The following ROCK1 variants were observed in gnomAD, a reference collection of about 807,000 sequenced individuals.
ROCK1 encodes the protein Rho associated coiled-coil containing protein kinase 1.
In ROCK1, 36 loss-of-function variants were observed where a neutral mutation model predicts 196.8. The observed-to-expected ratio is 0.18, with a 90% CI of 0.14 to 0.24. The LOEUF (loss-of-function observed/expected upper bound fraction) is 0.24, where lower values mean the gene tolerates loss of function less well. ROCK1 is among the 10% of genes least tolerant of loss of function. The pLI, the probability that ROCK1 is intolerant of heterozygous loss-of-function variation, is 1.00. For synonymous variants in ROCK1, 443 were observed against 515.9 expected (o/e 0.86, Z 1.91); for missense variants, 920 against 1,562.0 (o/e 0.59, Z 6.93).
At position 20,951,193 on chromosome 18, in the gene ROCK1, C is replaced by T. The variant is rs900772116; in HGVS notation, c.*191G>A. On this transcript the variant is annotated 3_prime_UTR_variant, in exon 33 of 33. Transcript: ENST00000399799. The stretch of plus-strand genomic sequence containing the variant: ...CATAGTAATAATTAATCTAATCTAC[C>T]TGTAGGCAAACCCGCAATAAAAAAA... The T allele has an allele frequency of 6.5e-6, 3 of 458,514 alleles. No homozygotes were observed. Among genetic ancestry groups the T allele is most frequent in the African/African-American group, 4.0e-5 (2 of 50,296 alleles). 28.4% of individuals were successfully genotyped at this position (458,514 alleles called of 1,614,324 possible). A position where few individuals can be genotyped will look rare whatever the true frequency, so the allele number is the denominator to read the frequency against.
intron 16 of ROCK1, among the ~76,000 whole-genome samples, chr18:20,996,789 G>A (rs2035674715): frequency 6.6e-6 from 1 of 152,154 alleles, no homozygotes; most frequent in South Asian, 2.1e-4. Flanking sequence ...TAAGATGCAG[G>A]GGACTAAGTT....
intron 1 of ROCK1, among the ~76,000 whole-genome samples, chr18:21,088,442 G>C (rs1366631684): frequency 6.6e-6 from 1 of 152,216 alleles, no homozygotes; most frequent in Non-Finnish European, 1.5e-5. Flanking sequence ...CAAGGCTAGA[G>C]TGAGCTATGA....
chr18:21,083,750 C>T (rs1445389660), intron 1 of ROCK1, among the ~76,000 whole-genome samples: 1 of 152,182 alleles, frequency 6.6e-6, no homozygotes, highest in African/African-American at 2.4e-5. Flanking sequence ...TTACATATAA[C>T]ATACAAAATA....
chr18:21,054,226 C>T (rs1235271977), intron 2 of ROCK1, among the ~76,000 whole-genome samples: 11 of 152,166 alleles, frequency 7.2e-5, no homozygotes, highest in Admixed American at 7.2e-4. Flanking sequence ...AAACCATCTA[C>T]ATATCAACTT....
chr18:21,031,359 C>T (rs933904818), intron 9 of ROCK1, among the ~76,000 whole-genome samples: 5 of 152,042 alleles, frequency 3.3e-5, no homozygotes, highest in African/African-American at 7.2e-5. Context: ...AATCCCAGCA[C>T]TTTGGGAGGC....
intron 9 of ROCK1, among the ~76,000 whole-genome samples, chr18:21,038,993 G>A (rs1160538534): frequency 2.0e-5 from 3 of 152,216 alleles, no homozygotes; most frequent in Non-Finnish European, 4.4e-5. Flanking sequence ...GCAAAAGCCT[G>A]ATGGAATCAA....
chr18:21,007,870 A>C (rs1184446289), intron 14 of ROCK1, among the ~76,000 whole-genome samples, 189 bp downstream of exon 14: 6 of 152,124 alleles, frequency 3.9e-5, no homozygotes, highest in Non-Finnish European at 5.9e-5. Flanking sequence ...TATTTACTTT[A>C]ATATGTAATT....
intron 12 of ROCK1, among the ~76,000 whole-genome samples, chr18:21,019,319 A>G (rs1349263105): frequency 6.6e-6 from 1 of 152,008 alleles, no homozygotes; most frequent in Non-Finnish European, 1.5e-5. Flanking sequence ...GTGCCCAGCT[A>G]ATTTTTTGTA....
intron 19 of ROCK1, among the ~76,000 whole-genome samples, chr18:20,985,904 G>T (rs559440524): frequency 6.6e-6 from 1 of 152,124 alleles, no homozygotes; most frequent in South Asian, 2.1e-4. Context: ...TGATGTCCAG[G>T]CTGAGTGCCA....
At chr18:21,048,012 T>G (rs1324526201) in intron 4 of ROCK1, among the ~76,000 whole-genome samples, 3 of 152,106 alleles carry the variant, frequency 2.0e-5, no homozygotes, top group Non-Finnish European at 4.4e-5. Context: ...AGATAAAACA[T>G]GAAGCTGAAC....
At chr18:21,057,830 A>G (rs1300742856) in intron 2 of ROCK1, among the ~76,000 whole-genome samples, 1 of 152,156 alleles carries the variant, frequency 6.6e-6, no homozygotes, top group Non-Finnish European at 1.5e-5. Flanking sequence ...CAAGAAAAAA[A>G]TTAAATTAAA....
At chr18:21,012,114 AT>A (rs542300513) in intron 13 of ROCK1, among the ~76,000 whole-genome samples, 1 of 151,676 alleles carries the variant, frequency 6.6e-6, no homozygotes, top group African/African-American at 2.4e-5. Context: ...CACTTGGCTA[AT>A]TTTTTTTGTA....
intron 22 of ROCK1, among the ~76,000 whole-genome samples, chr18:20,971,481 A>T (rs529211535): frequency 1.3e-5 from 2 of 151,792 alleles, no homozygotes; most frequent in Non-Finnish European, 2.9e-5. Flanking sequence ...GCTCACCCCC[A>T]TAATCCCAGC....
chr18:21,012,363 T>G (rs1373737877), intron 13 of ROCK1, among the ~76,000 whole-genome samples: 1 of 152,206 alleles, frequency 6.6e-6, no homozygotes, highest in African/African-American at 2.4e-5. Context: ...CTGAGAATGT[T>G]GTCATTTTCT....
chr18:20,959,803 T>A (rs753974334), intron 29 of ROCK1, 37 bp downstream of exon 29: 1 of 1,113,348 alleles, frequency 9.0e-7, no homozygotes, highest in Non-Finnish European at 1.3e-6. Context: ...AAAAGTTAGC[T>A]CTCAACCCCT....
chr18:20,948,771 A>G lies in ROCK1; in HGVS notation c.*2613T>C, dbSNP rs1395108804. 1.3e-5 allele frequency: 2 copies of G among 152,186 alleles called. No homozygotes were observed. Among genetic ancestry groups the G allele is most frequent in the Admixed American group, 1.3e-4 (2 of 15,272 alleles). The allele number at this position is 152,186 out of a possible 1,614,324, so 9.4% of individuals were successfully genotyped here. On this transcript the variant is annotated 3_prime_UTR_variant, in exon 33 of 33. Transcript: ENST00000399799. ...ATGTGATTTAATTTTGGCCACGTAG[A>G]TGCACCTAGAGAAGGCAGACGTGAG...
chr18:20,964,641 A>G (rs2035355923), intron 27 of ROCK1, among the ~76,000 whole-genome samples: 1 of 152,242 alleles, frequency 6.6e-6, no homozygotes, highest in Admixed American at 6.5e-5. Flanking sequence ...AATGGCTACC[A>G]GTACTCCCCG....
At chr18:21,098,639 A>C (rs1186520460) in intron 1 of ROCK1, among the ~76,000 whole-genome samples, 3 of 151,686 alleles carry the variant, frequency 2.0e-5, no homozygotes, top group Non-Finnish European at 4.4e-5. Flanking sequence ...AAATTGCAAA[A>C]AAAAAAAAAA....
chr18:20,991,463 A>G (rs1208999663), intron 17 of ROCK1, 137 bp from the exon 18 acceptor site: 1 of 621,484 alleles, frequency 1.6e-6, no homozygotes, highest in Non-Finnish European at 2.6e-6. Context: ...TTAAAAGCAA[A>G]AGATAATCTT....
Sources: gnomAD v4.1 joint callset for allele counts (sites outside exome capture counted in the v4.1 genomes callset) on GRCh38, gnomAD v4.1.1 for gene constraint, MANE v1.5 for transcripts, NCBI Gene and HGNC (gene_info 2026-07-23, HGNC 2026-07-21) for gene names.